The following ITFG1 variants were observed in gnomAD, a reference collection of about 807,000 sequenced individuals.
ITFG1 encodes integrin alpha FG-GAP repeat containing 1.
In ITFG1, 34 loss-of-function variants were observed where a neutral mutation model predicts 81.8. That is an observed-to-expected ratio of 0.42 (90% CI 0.32 to 0.55). The LOEUF is 0.55. Among genes scored for constraint, ITFG1 ranks in the 20% least tolerant of loss-of-function variants. ITFG1 has a pLI of 0.17. For synonymous variants in ITFG1, 285 were observed against 270.6 expected (o/e 1.05, Z -0.52); for missense variants, 672 against 755.4 (o/e 0.89, Z 1.29).
chr16:47,445,088 T>G (rs1203229026), intron 5 of ITFG1, among the ~76,000 whole-genome samples: 5 of 149,340 alleles, frequency 3.3e-5, no homozygotes, highest in African/African-American at 1.2e-4. Context: ...GTATGCAAGC[T>G]TCATGTTAAG....
intron 15 of ITFG1, 33 bp downstream of exon 15, chr16:47,162,507 G>A: frequency 6.6e-7 from 1 of 1,518,856 alleles, no homozygotes; most frequent in Non-Finnish European, 9.0e-7. Context: ...TTAAAACATA[G>A]ATTAATTGTA....
At chr16:47,240,032 C>T (rs1965915628) in intron 12 of ITFG1, among the ~76,000 whole-genome samples, 1 of 151,762 alleles carries the variant, frequency 6.6e-6, no homozygotes, top group African/African-American at 2.4e-5. Flanking sequence ...TGGCTCATGC[C>T]TGTAATCCCA....
intron 7 of ITFG1, among the ~76,000 whole-genome samples, chr16:47,374,900 A>G (rs551834424): frequency 6.6e-6 from 1 of 152,282 alleles, no homozygotes; most frequent in South Asian, 2.1e-4. Flanking sequence ...ATCACTTACC[A>G]TATTATGAGG....
intron 6 of ITFG1, among the ~76,000 whole-genome samples, chr16:47,377,489 T>G (rs1968341796): frequency 6.6e-6 from 1 of 152,148 alleles, no homozygotes; most frequent in Non-Finnish European, 1.5e-5. Flanking sequence ...TGTTACTCCC[T>G]CACAAGAAGA....
chr16:47,226,015 T>C (rs1219584735), intron 13 of ITFG1, among the ~76,000 whole-genome samples: 3 of 152,242 alleles, frequency 2.0e-5, no homozygotes, highest in African/African-American at 7.2e-5. Context: ...TAAAACCATC[T>C]TGTTGGTCTC....
intron 12 of ITFG1, among the ~76,000 whole-genome samples, chr16:47,250,306 G>A (rs1194351338): frequency 6.6e-6 from 1 of 151,324 alleles, no homozygotes. Context: ...TTTTAATCTT[G>A]TTCTTTATGT....
intron 14 of ITFG1, among the ~76,000 whole-genome samples, chr16:47,180,474 A>G (rs897432127): frequency 1.3e-5 from 2 of 151,404 alleles, no homozygotes; most frequent in East Asian, 3.9e-4. Context: ...GCTCACTGCA[A>G]TCTCCCTGCC....
At chr16:47,398,483 T>C (rs1055081448) in intron 6 of ITFG1, among the ~76,000 whole-genome samples, 2 of 152,248 alleles carry the variant, frequency 1.3e-5, no homozygotes, top group Non-Finnish European at 1.5e-5. Context: ...TACCAGTTTT[T>C]AGCTGCTCTG....
At chr16:47,427,383 G>A (rs1203058135) in intron 6 of ITFG1, among the ~76,000 whole-genome samples, 1 of 152,130 alleles carries the variant, frequency 6.6e-6, no homozygotes, top group Admixed American at 6.5e-5. Flanking sequence ...GTGGCTGGGC[G>A]CAGTGGTTCA....
In ITFG1 at chr16:47,375,859, A is replaced by C; in HGVS notation, c.720+17T>G. The C allele has an allele frequency of 6.7e-7, 1 of 1,501,160 alleles. No homozygotes were observed. Among genetic ancestry groups the C allele is most frequent in the Non-Finnish European group, 9.3e-7 (1 of 1,077,332 alleles). The allele number at this position is 1,501,160 out of a possible 1,614,324, so 93.0% of individuals were successfully genotyped here. ...AAAGCCATCATTTTAAAATGCTTCAAGGAAAAGATTTCTTACCAAATTTTC... is the reference window on the plus strand; with the variant it reads ...AAAGCCATCATTTTAAAATGCTTCACGGAAAAGATTTCTTACCAAATTTTC... On this transcript the variant is annotated intron_variant, in intron 7 of 17. Coordinates refer to ENST00000320640, the MANE Select transcript of ITFG1 (RefSeq NM_030790.5).
At chr16:47,238,903 C>T (rs890154604) in intron 12 of ITFG1, among the ~76,000 whole-genome samples, 1 of 152,136 alleles carries the variant, frequency 6.6e-6, no homozygotes, top group Admixed American at 6.5e-5. Context: ...GCTATCCCCC[C>T]AAATTCATGT....
intron 5 of ITFG1, among the ~76,000 whole-genome samples, chr16:47,429,125 T>C (rs1006501779): frequency 2.6e-5 from 4 of 152,128 alleles, no homozygotes; most frequent in East Asian, 1.9e-4. Flanking sequence ...AAAAAAGAAA[T>C]TGTGTACTCT....
At chr16:47,279,194 C>T (rs936164526) in intron 10 of ITFG1, among the ~76,000 whole-genome samples, 1 of 152,122 alleles carries the variant, frequency 6.6e-6, no homozygotes, top group Non-Finnish European at 1.5e-5. Flanking sequence ...GGTGTCATGG[C>T]TAAGAGCTCT....
At chr16:47,182,954 C>T (rs1002158142) in intron 14 of ITFG1, among the ~76,000 whole-genome samples, 3 of 152,170 alleles carry the variant, frequency 2.0e-5, no homozygotes, top group Non-Finnish European at 1.5e-5. Context: ...TTGCCTCACT[C>T]GGGAAGCGCA....
intron 14 of ITFG1, among the ~76,000 whole-genome samples, chr16:47,181,923 C>T (rs200540362): frequency 6.6e-6 from 1 of 152,112 alleles, no homozygotes; most frequent in African/African-American, 2.4e-5. Flanking sequence ...TGTGTCCACT[C>T]AGGTTAAATG....
intron 8 of ITFG1, among the ~76,000 whole-genome samples, chr16:47,323,144 C>T (rs1225662319): frequency 6.6e-6 from 1 of 151,942 alleles, no homozygotes; most frequent in Non-Finnish European, 1.5e-5. Context: ...AATTTAATGC[C>T]TAATGAGGCA....
chr16:47,419,087 T>C (rs996720950), intron 6 of ITFG1, among the ~76,000 whole-genome samples: 14 of 152,246 alleles, frequency 9.2e-5, no homozygotes, highest in Non-Finnish European at 1.6e-4. Flanking sequence ...ATTTCTGAGA[T>C]AAATCTCACT....
chr16:47,272,648 G>A (rs552113085), intron 10 of ITFG1, among the ~76,000 whole-genome samples: 25 of 151,964 alleles, frequency 1.6e-4, no homozygotes, highest in Non-Finnish European at 2.6e-4. Flanking sequence ...TGCCTGCCTC[G>A]GCCTCCCAAA....
At chr16:47,214,801 C>A (rs909520299) in intron 14 of ITFG1, among the ~76,000 whole-genome samples, 3 of 151,824 alleles carry the variant, frequency 2.0e-5, no homozygotes, top group Middle Eastern at 3.2e-3. Flanking sequence ...TTGGGCCAGG[C>A]CTTTACTGAA....
Sources: allele counts gnomAD v4.1 joint callset (sites outside exome capture counted in the v4.1 genomes callset), GRCh38; gene constraint gnomAD v4.1.1; transcripts MANE v1.5; gene names NCBI Gene and HGNC (gene_info 2026-07-23, HGNC 2026-07-21).